LRBA: variants seen among roughly 807,000 people sequenced by gnomAD.
The protein encoded by LRBA is LPS responsive beige-like anchor protein, also known as lipopolysaccharide-responsive and beige-like anchor protein.
In LRBA, 176 loss-of-function variants were observed where a neutral mutation model predicts 330.0. The observed-to-expected ratio is 0.53, with a 90% CI of 0.47 to 0.60. The LOEUF (loss-of-function observed/expected upper bound fraction) is 0.60. Ranked by LOEUF, LRBA falls within the 20% of genes least tolerant of loss-of-function variation. LRBA has a pLI of 0.00. For missense variants in LRBA, 3,259 were observed against 3,444.8 expected, an observed-to-expected ratio of 0.95 and a Z score of 1.35; for synonymous variants, 1,230 against 1,193.0, an observed-to-expected ratio of 1.03 and a Z score of -0.64.
At chr4:150,346,386 G>A (rs528681744) in intron 48 of LRBA, among the ~76,000 whole-genome samples, 2 of 152,128 alleles carry the variant, frequency 1.3e-5, no homozygotes, top group South Asian at 4.2e-4. Context: ...ACTTAGGATT[G>A]TGGTAAAGAA....
intron 30 of LRBA, among the ~76,000 whole-genome samples, chr4:150,823,845 T>G (rs1428744301): frequency 6.6e-6 from 1 of 152,186 alleles, no homozygotes; most frequent in Non-Finnish European, 1.5e-5. Flanking sequence ...CATGCTGTTT[T>G]GGTTACCATA....
At chr4:150,526,847 T>G (rs1005782838) in intron 40 of LRBA, among the ~76,000 whole-genome samples, 23 of 152,052 alleles carry the variant, frequency 1.5e-4, no homozygotes, top group Non-Finnish European at 2.6e-4. Context: ...AATAAACAAT[T>G]TATTAAAATT....
chr4:150,547,346 A>C (rs547718127), intron 40 of LRBA, among the ~76,000 whole-genome samples: 66 of 152,200 alleles, frequency 4.3e-4, no homozygotes, highest in Non-Finnish European at 7.5e-4. Context: ...CACTTGAAGT[A>C]AAGGATTAGA....
In LRBA at chr4:150,859,198, T is replaced by C. The variant is rs538099344; in HGVS notation, c.2767-6255A>G. ...ATTCACTATTTAGGAGGAAATCCAATTCATATTATACTTTTAACTCTAACA... is the reference window on the plus strand; with the variant it reads ...ATTCACTATTTAGGAGGAAATCCAACTCATATTATACTTTTAACTCTAACA... On this transcript the variant is annotated intron_variant, in intron 22 of 56. Coordinates refer to ENST00000651943, the MANE Select transcript of LRBA (RefSeq NM_001364905.1). Among the ~76,000 whole-genome samples the C allele has an allele frequency of 1.1e-4, 17 of 152,292 alleles. No homozygotes were observed. In the East Asian group the frequency reaches 1.9e-3, roughly 17 times the overall value.
intron 48 of LRBA, among the ~76,000 whole-genome samples, chr4:150,337,522 T>TA (rs1734914200): frequency 1.3e-5 from 2 of 152,196 alleles, no homozygotes; most frequent in South Asian, 4.1e-4. Context: ...AAGTCTGGCA[T>TA]AATTTTATGG....
chr4:150,435,376 A>G (rs1750978669), intron 46 of LRBA, among the ~76,000 whole-genome samples: 1 of 152,050 alleles, frequency 6.6e-6, no homozygotes, highest in East Asian at 1.9e-4. Flanking sequence ...AACAAAAACA[A>G]AAACAAAACA....
intron 48 of LRBA, among the ~76,000 whole-genome samples, chr4:150,336,647 G>A (rs1431302921): frequency 6.6e-6 from 1 of 152,094 alleles, no homozygotes; most frequent in African/African-American, 2.4e-5. Flanking sequence ...AGTTACTAAT[G>A]TAAAATATGA....
At chr4:150,506,550 A>G (rs909606150) in intron 40 of LRBA, among the ~76,000 whole-genome samples, 1 of 152,242 alleles carries the variant, frequency 6.6e-6, no homozygotes, top group African/African-American at 2.4e-5. Context: ...AAAACTCTCA[A>G]TAAATTAGGT....
chr4:150,711,591 G>C (rs1314262557), intron 36 of LRBA, among the ~76,000 whole-genome samples: 1 of 152,108 alleles, frequency 6.6e-6, no homozygotes, highest in Non-Finnish European at 1.5e-5. Flanking sequence ...TTTTAAAATA[G>C]CATTGTCAGG....
At chr4:150,561,311 G>A (rs1250318946) in intron 40 of LRBA, among the ~76,000 whole-genome samples, 2 of 152,144 alleles carry the variant, frequency 1.3e-5, no homozygotes, top group African/African-American at 2.4e-5. Flanking sequence ...GTATAGTGTG[G>A]TATGCAGAAT....
At chr4:150,592,213 G>A (rs1354703197) in intron 38 of LRBA, among the ~76,000 whole-genome samples, 3 of 118,750 alleles carry the variant, frequency 2.5e-5, no homozygotes, top group Admixed American at 1.2e-4. Flanking sequence ...CCAAACCCCA[G>A]AAAGAATAAA....
chr4:150,422,788 A>G, intron 46 of LRBA: 1 of 1,456,104 alleles, frequency 6.9e-7, no homozygotes, highest in Non-Finnish European at 9.6e-7. Flanking sequence ...TCTTTCTGGT[A>G]GACCTGCATG....
At chr4:150,639,843 A>ATGTG (rs1561458333) in intron 37 of LRBA, among the ~76,000 whole-genome samples, 17 of 53,918 alleles carry the variant, frequency 3.2e-4, no homozygotes, top group African/African-American at 1.2e-3. Flanking sequence ...ATATATATAT[A>ATGTG]TATATATATA....
chr4:150,528,909 T>C (rs1266613510), intron 40 of LRBA, among the ~76,000 whole-genome samples: 1 of 152,200 alleles, frequency 6.6e-6, no homozygotes, highest in African/African-American at 2.4e-5. Flanking sequence ...TATATATTTA[T>C]ATGAGATGCT....
chr4:150,660,775 C>A (rs1225642655), intron 37 of LRBA, among the ~76,000 whole-genome samples: 1 of 124,364 alleles, frequency 8.0e-6, no homozygotes, highest in East Asian at 2.4e-4. Context: ...TTACCCCCAA[C>A]CCTGTGCTCT....
At chr4:150,658,505 G>GTCTCCTCCCTCTCCC (rs1561481081) in intron 37 of LRBA, among the ~76,000 whole-genome samples, 1 of 21,100 alleles carries the variant, frequency 4.7e-5, no homozygotes, top group Non-Finnish European at 3.4e-4. Flanking sequence ...GAAAATAAAA[G>GTCTCCTCCCTCTCCC]TCTCCCTCTC....
At chr4:150,604,811 C>T (rs997625494) in intron 37 of LRBA, among the ~76,000 whole-genome samples, 4 of 152,086 alleles carry the variant, frequency 2.6e-5, no homozygotes, top group African/African-American at 9.7e-5. Flanking sequence ...TCCCCCAGTT[C>T]CCCTGCCCCA....
chr4:150,721,820 T>C (rs1254326714), intron 36 of LRBA, among the ~76,000 whole-genome samples: 2 of 152,114 alleles, frequency 1.3e-5, no homozygotes, highest in Admixed American at 1.3e-4. Context: ...TTTCATCTTG[T>C]TGGCCAGGCT....
chr4:150,448,316 A>G (rs555511673), intron 44 of LRBA, among the ~76,000 whole-genome samples: 2 of 152,362 alleles, frequency 1.3e-5, no homozygotes, highest in South Asian at 4.1e-4. Flanking sequence ...GTATCAGGGA[A>G]TGTTGCTGTC....
Sources: gnomAD v4.1 joint callset for allele counts (sites outside exome capture counted in the v4.1 genomes callset) on GRCh38, gnomAD v4.1.1 for gene constraint, MANE v1.5 for transcripts, NCBI Gene and HGNC (gene_info 2026-07-23, HGNC 2026-07-21) for gene names.